Variants in CTNNA2 observed in about 807,000 individuals in gnomAD.
CTNNA2 encodes the protein catenin alpha 2, also known as catenin alpha-2.
Under a neutral mutation model 101.0 loss-of-function variants are expected in CTNNA2, and 42 were observed. That is an observed-to-expected ratio of 0.42 (90% CI 0.32 to 0.54). The LOEUF (loss-of-function observed/expected upper bound fraction) is 0.54, where lower values mean the gene tolerates loss of function less well. CTNNA2 is among the 20% of genes least tolerant of loss of function. The pLI, the probability that CTNNA2 is intolerant of heterozygous loss-of-function variation, is 0.14. For synonymous variants in CTNNA2, 450 were observed against 456.4 expected, an observed-to-expected ratio of 0.99 and a Z score of 0.18; for missense variants, 871 against 1,223.1, an observed-to-expected ratio of 0.71 and a Z score of 4.29.
At chr2:80,245,136 G>A (rs1461631863) in intron 7 of CTNNA2, among the ~76,000 whole-genome samples, 1 of 152,204 alleles carries the variant, frequency 6.6e-6, no homozygotes, top group Admixed American at 6.5e-5. Context: ...GAAAGCCGGG[G>A]CAGCTGAGCT....
chr2:79,310,990 C>T (rs895117079), intron 2 of CTNNA2, among the ~76,000 whole-genome samples: 1 of 152,110 alleles, frequency 6.6e-6, no homozygotes, highest in Admixed American at 6.5e-5. Flanking sequence ...AATTTTCATA[C>T]TTGTGAAATT....
At chr2:79,591,790 C>T (rs1473688651) in intron 1 of CTNNA2, among the ~76,000 whole-genome samples, 2 of 151,656 alleles carry the variant, frequency 1.3e-5, no homozygotes, top group South Asian at 2.1e-4. Flanking sequence ...CTGTGTCTTA[C>T]GTATGAGGAG....
intron 4 of CTNNA2, among the ~76,000 whole-genome samples, chr2:79,382,990 T>C (rs910967729): frequency 6.6e-6 from 1 of 152,202 alleles, no homozygotes; most frequent in Non-Finnish European, 1.5e-5. Flanking sequence ...GTCAGTGATA[T>C]GGAGATGAAA....
At chr2:79,889,126 G>C (rs1441845119) in intron 6 of CTNNA2, among the ~76,000 whole-genome samples, 2 of 152,068 alleles carry the variant, frequency 1.3e-5, no homozygotes, top group African/African-American at 4.8e-5. Context: ...AACGTGATAG[G>C]GAGTTACTTA....
At position 79,695,036 on chromosome 2, in the gene CTNNA2, T is replaced by G. The variant is rs186132327; in HGVS notation, c.102+43378T>G. Among the ~76,000 whole-genome samples the G allele has an allele frequency of 7.3e-3, 1,099 of 151,484 alleles. 34 individuals are homozygous for G. The East Asian group carries it at 0.097, about 13-fold the overall frequency. On this transcript the variant is annotated intron_variant, in intron 2 of 18. Transcript: ENST00000402739. The stretch of plus-strand genomic sequence containing the variant: ...AACCAAGCCTTACATTTTTTTTTTT[T>G]TGGGGTATTATGTGAAAAGAAATCT...
intron 7 of CTNNA2, among the ~76,000 whole-genome samples, chr2:80,343,890 C>G (rs1466559469): frequency 6.6e-6 from 1 of 152,204 alleles, no homozygotes; most frequent in Non-Finnish European, 1.5e-5. Flanking sequence ...TTCTCCCTCA[C>G]ACACTTATAT....
At chr2:80,490,065 G>A (rs1020714666) in intron 9 of CTNNA2, among the ~76,000 whole-genome samples, 32 of 152,126 alleles carry the variant, frequency 2.1e-4, no homozygotes, top group African/African-American at 7.5e-4. Context: ...ATCAATACAT[G>A]AAATGCTTTC....
intron 2 of CTNNA2, among the ~76,000 whole-genome samples, chr2:79,724,707 T>C (rs1686708304): frequency 6.7e-6 from 1 of 150,150 alleles, no homozygotes; most frequent in South Asian, 2.1e-4. Flanking sequence ...CCCAGCTACT[T>C]TGGAGGCTGA....
At chr2:79,378,432 G>T (rs1394303649) in intron 4 of CTNNA2, among the ~76,000 whole-genome samples, 2 of 151,936 alleles carry the variant, frequency 1.3e-5, no homozygotes, top group African/African-American at 4.8e-5. Flanking sequence ...TTTTTAATAG[G>T]GATATATAGT....
intron 6 of CTNNA2, among the ~76,000 whole-genome samples, chr2:79,885,325 T>C (rs1683775810): frequency 6.6e-6 from 1 of 152,224 alleles, no homozygotes; most frequent in Non-Finnish European, 1.5e-5. Flanking sequence ...TTTATGTTTT[T>C]TGAGTATTGT....
chr2:79,680,462 C>A (rs6709350), intron 2 of CTNNA2, among the ~76,000 whole-genome samples: 100,640 of 151,768 alleles, frequency 0.66, 33,588 homozygotes, highest in East Asian at 0.9. Context: ...ACAGAGGTGT[C>A]AAAAAAATGT....
chr2:79,909,422 A>G (rs77291530), intron 6 of CTNNA2, among the ~76,000 whole-genome samples, 172 bp from the exon 7 acceptor site: 2 of 152,382 alleles, frequency 1.3e-5, no homozygotes, highest in Non-Finnish European at 2.9e-5. Flanking sequence ...TTAGGACAAA[A>G]TATCTAGAAA....
intron 13 of CTNNA2, among the ~76,000 whole-genome samples, chr2:80,576,833 G>A (rs1441025218): frequency 6.7e-6 from 1 of 149,744 alleles, no homozygotes; most frequent in Non-Finnish European, 1.5e-5. Flanking sequence ...AGGCATGTTG[G>A]CGTGCATCTG....
chr2:80,639,332 C>T (rs1481660362), intron 18 of CTNNA2, among the ~76,000 whole-genome samples: 1 of 152,144 alleles, frequency 6.6e-6, no homozygotes, highest in Non-Finnish European at 1.5e-5. Flanking sequence ...GCCTCAGCCT[C>T]CCCAGTAGTT....
At chr2:79,251,577 C>T (rs567437136) in intron 2 of CTNNA2, among the ~76,000 whole-genome samples, 1 of 152,210 alleles carries the variant, frequency 6.6e-6, no homozygotes, top group African/African-American at 2.4e-5. Flanking sequence ...TTTGCTTTCT[C>T]TCTCATTTGG....
At chr2:79,806,883 G>T (rs1676621920) in intron 3 of CTNNA2, among the ~76,000 whole-genome samples, 1 of 152,026 alleles carries the variant, frequency 6.6e-6, no homozygotes, top group Non-Finnish European at 1.5e-5. Flanking sequence ...CAAGCTAAAT[G>T]CCAAATCCCC....
intron 9 of CTNNA2, among the ~76,000 whole-genome samples, chr2:80,458,048 A>G (rs1198046953): frequency 6.6e-6 from 1 of 152,178 alleles, no homozygotes; most frequent in East Asian, 1.9e-4. Context: ...GGCAAGAAGG[A>G]GTATCTATTT....
chr2:80,011,601 AT>A lies in CTNNA2; in HGVS notation c.1056+101805del, dbSNP rs1693790651. Among the ~76,000 whole-genome samples, 14 of 35,670 alleles carry A rather than the reference AT, an allele frequency of 3.9e-4. No homozygotes were observed. In the South Asian group the frequency reaches 9.7e-3, roughly 25 times the overall value. 23.4% of individuals were successfully genotyped at this position (35,670 alleles called of 152,430 possible). On this transcript the variant is annotated intron_variant, in intron 7 of 18. Coordinates refer to ENST00000402739, the MANE Select transcript of CTNNA2 (RefSeq NM_001282597.3). ...GATGAGTGTCCAGTGAGGGAGTTAGATGAATGATCTCCATGGTCCTCTGTTC... is the reference window on the plus strand; with the variant it reads ...GATGAGTGTCCAGTGAGGGAGTTAGAGAATGATCTCCATGGTCCTCTGTTC...
At chr2:80,383,320 T>A (rs1676685850) in intron 7 of CTNNA2, among the ~76,000 whole-genome samples, 1 of 152,202 alleles carries the variant, frequency 6.6e-6, no homozygotes, top group Non-Finnish European at 1.5e-5. Flanking sequence ...CTTTCATACC[T>A]GCTGCCTATC....
Sources: allele counts gnomAD v4.1 joint callset (sites outside exome capture counted in the v4.1 genomes callset), GRCh38; gene constraint gnomAD v4.1.1; transcripts MANE v1.5; gene names NCBI Gene and HGNC (gene_info 2026-07-23, HGNC 2026-07-21).